The following PDGFD variants were observed in gnomAD, a reference collection of about 807,000 sequenced individuals.
PDGFD encodes the protein platelet-derived growth factor D.
In PDGFD, 30 loss-of-function variants were observed where a neutral mutation model predicts 44.7. The ratio of observed to expected loss-of-function variants is 0.67; its 90% CI spans 0.50 to 0.91. The LOEUF is 0.91. Ranked by LOEUF, PDGFD falls within the 40% of genes least tolerant of loss-of-function variation. The pLI is 0.00. For synonymous variants in PDGFD, 173 were observed against 168.4 expected (o/e 1.03, Z -0.21); for missense variants, 445 against 457.8 (o/e 0.97, Z 0.25).
intron 3 of PDGFD, among the ~76,000 whole-genome samples, chr11:103,992,178 G>A (rs1020397583): frequency 1.1e-4 from 17 of 152,152 alleles, no homozygotes; most frequent in African/African-American, 3.4e-4. Context: ...AGAAAAGAAG[G>A]CTGAACAGGA....
intron 3 of PDGFD, among the ~76,000 whole-genome samples, chr11:103,989,709 T>C (rs1295914674): frequency 6.6e-6 from 1 of 151,978 alleles, no homozygotes; most frequent in African/African-American, 2.4e-5. Flanking sequence ...GAGGAACAGG[T>C]AGGCAAGAAG....
intron 1 of PDGFD, among the ~76,000 whole-genome samples, chr11:104,095,789 T>C (rs1430251677): frequency 6.6e-6 from 1 of 152,174 alleles, no homozygotes; most frequent in Non-Finnish European, 1.5e-5. Context: ...AGGCCAAATA[T>C]ACAGCTCCAA....
rs529692561 is a variant in PDGFD at position 104,053,624 on chromosome 11, A to G, written c.125-53369T>C. 1.1e-4 allele frequency among the ~76,000 whole-genome samples: 17 copies of G among 152,368 alleles called. No homozygotes were observed. In the South Asian group the frequency reaches 1.2e-3, roughly 11 times the overall value. ...GCAGTCATATATAAAACCAAATTGC[A>G]TTCACATAAAAATAAATTGGGAGGG... On this transcript the variant is annotated intron_variant, in intron 1 of 6. Transcript: ENST00000393158.
chr11:103,955,491 C>T (rs1423727214), intron 3 of PDGFD, among the ~76,000 whole-genome samples: 1 of 152,074 alleles, frequency 6.6e-6, no homozygotes, highest in Admixed American at 6.6e-5. Context: ...AATTAAAAAC[C>T]CTTAGAATCA....
chr11:103,994,008 A>G (rs990872922), intron 3 of PDGFD, among the ~76,000 whole-genome samples: 3 of 152,246 alleles, frequency 2.0e-5, no homozygotes, highest in African/African-American at 2.4e-5. Flanking sequence ...CATCCAAACT[A>G]TAGAGGCAGC....
intron 1 of PDGFD, among the ~76,000 whole-genome samples, chr11:104,014,220 A>G (rs554461758): frequency 4.8e-4 from 73 of 152,246 alleles, no homozygotes; most frequent in African/African-American, 1.7e-3. Context: ...CAAGACCTGT[A>G]CTGGTCTGCT....
chr11:103,931,597 C>A (rs964613432), intron 5 of PDGFD, among the ~76,000 whole-genome samples: 3 of 151,828 alleles, frequency 2.0e-5, no homozygotes, highest in Non-Finnish European at 2.9e-5. Context: ...CTTTTCTTTT[C>A]TTTTTTTGAG....
At chr11:104,134,503 GA>G (rs1861972473) in intron 1 of PDGFD, among the ~76,000 whole-genome samples, 1 of 152,164 alleles carries the variant, frequency 6.6e-6, no homozygotes, top group African/African-American at 2.4e-5. Context: ...AACTGGGTAT[GA>G]AGAGTCTTAC....
At position 104,163,994 on chromosome 11, in the gene PDGFD, C is replaced by G; in HGVS notation, c.-67G>C. ...CCGGGTTCTGCTCCCGGGACCGACG[C>G]CGCGCCGCCCTGCGCTCTCGCCGCC... On this transcript the variant is annotated 5_prime_UTR_variant, in exon 1 of 7. Coordinates refer to ENST00000393158, the MANE Select transcript of PDGFD (RefSeq NM_025208.5). The G allele has an allele frequency of 6.9e-7, 1 of 1,456,210 alleles. No individual in the cohort carries two copies. Among genetic ancestry groups the G allele is most frequent in the South Asian group, 1.5e-5 (1 of 64,696 alleles). 90.2% of individuals were successfully genotyped at this position (1,456,210 alleles called of 1,614,324 possible). A position where few individuals can be genotyped will look rare whatever the true frequency, so the allele number is the denominator to read the frequency against.
At chr11:103,947,579 T>C (rs1858684047) in intron 4 of PDGFD, 83 bp downstream of exon 4, 1 of 1,009,884 alleles carries the variant, frequency 9.9e-7, no homozygotes, top group Non-Finnish European at 1.6e-6. Context: ...CACAGGTCCT[T>C]AATGCAGGTG....
intron 1 of PDGFD, among the ~76,000 whole-genome samples, chr11:104,097,913 C>A (rs577069877): frequency 3.3e-5 from 5 of 152,114 alleles, no homozygotes; most frequent in Admixed American, 1.3e-4. Context: ...TTTAATTCTA[C>A]GGCAAATTTC....
At chr11:104,036,681 G>C in intron 1 of PDGFD, 1 of 680,010 alleles carries the variant, frequency 1.5e-6, no homozygotes, top group Non-Finnish European at 2.6e-6. Context: ...GAGTGTCCGC[G>C]CCTCTCTGAG....
At chr11:103,980,267 G>C (rs759093880) in intron 3 of PDGFD, among the ~76,000 whole-genome samples, 8 of 152,032 alleles carry the variant, frequency 5.3e-5, no homozygotes, top group South Asian at 2.1e-4. Context: ...ATGCATTTTA[G>C]ACACTTGGCT....
intron 1 of PDGFD, among the ~76,000 whole-genome samples, chr11:104,067,208 G>A (rs904903346): frequency 2.6e-5 from 4 of 152,150 alleles, no homozygotes; most frequent in South Asian, 2.1e-4. Flanking sequence ...ATTTCTGTAT[G>A]TGGACATACT....
chr11:103,938,916 C>G (rs1858536382), intron 5 of PDGFD, among the ~76,000 whole-genome samples: 1 of 152,102 alleles, frequency 6.6e-6, no homozygotes, highest in Non-Finnish European at 1.5e-5. Context: ...TGGTTGATAT[C>G]TCTGTTTTGG....
intron 1 of PDGFD, among the ~76,000 whole-genome samples, chr11:104,016,169 T>C (rs531833577): frequency 1.3e-5 from 2 of 152,194 alleles, no homozygotes; most frequent in African/African-American, 4.8e-5. Flanking sequence ...AAGGAAAAGG[T>C]GTCATCTCTC....
At chr11:104,097,312 A>C (rs1426906539) in intron 1 of PDGFD, among the ~76,000 whole-genome samples, 1 of 152,172 alleles carries the variant, frequency 6.6e-6, no homozygotes, top group Non-Finnish European at 1.5e-5. Flanking sequence ...TTACAAAGAA[A>C]ATTTTATTTT....
intron 5 of PDGFD, among the ~76,000 whole-genome samples, chr11:103,940,754 A>T (rs979117403): frequency 3.9e-5 from 6 of 152,152 alleles, no homozygotes; most frequent in African/African-American, 1.4e-4. Flanking sequence ...GACAGTGGTG[A>T]CTTGCCAGGG....
chr11:103,993,062 T>C (rs1167968035), intron 3 of PDGFD, among the ~76,000 whole-genome samples: 1 of 151,338 alleles, frequency 6.6e-6, no homozygotes, highest in Non-Finnish European at 1.5e-5. Flanking sequence ...TGTTTTTGTT[T>C]GTTTGTTTGT....
Sources: allele counts gnomAD v4.1 joint callset (sites outside exome capture counted in the v4.1 genomes callset), GRCh38; gene constraint gnomAD v4.1.1; transcripts MANE v1.5; gene names NCBI Gene and HGNC (gene_info 2026-07-23, HGNC 2026-07-21).